ARL10: variants seen among roughly 807,000 people sequenced by gnomAD.
ARL10 encodes ADP-ribosylation factor-like protein 10.
A neutral mutation model predicts 26.1 loss-of-function variants in ARL10; 23 were observed. The ratio of observed to expected loss-of-function variants is 0.88; its 90% CI spans 0.63 to 1.25. The LOEUF is 1.25. Ranked by LOEUF, ARL10 falls within the 50% of genes most tolerant of loss-of-function variation. ARL10 has a pLI of 0.00. For synonymous variants in ARL10, 138 were observed against 149.1 expected (o/e 0.93, Z 0.54); for missense variants, 300 against 323.6 (o/e 0.93, Z 0.56).
chr5:176,388,575 G>A (rs753723748), exon 2 of ARL10: 2 of 1,566,272 alleles, frequency 1.3e-6, no homozygotes, highest in Admixed American at 1.7e-5. Flanking sequence ...CAAACACGCT[G>A]CCTCTGTCTC....
At chr5:176,408,754 C>T in the ARL10 span, among the ~76,000 whole-genome samples, 21 of 152,208 alleles carry the variant, frequency 1.4e-4, no homozygotes, top group African/African-American at 5.1e-4. Flanking sequence ...CTCCTGGATT[C>T]ACATGATCTT....
chr5:176,394,340 C>A (rs1192259828), intron 1 of ARL10, among the ~76,000 whole-genome samples: 1 of 152,202 alleles, frequency 6.6e-6, no homozygotes, highest in Non-Finnish European at 1.5e-5. Flanking sequence ...GAATCAGAAT[C>A]AGGGTTTTCA....
the ARL10 span, among the ~76,000 whole-genome samples, chr5:176,408,919 T>C: frequency 6.8e-6 from 1 of 147,234 alleles, no homozygotes; most frequent in Non-Finnish European, 1.5e-5. Flanking sequence ...CACCCCACCC[T>C]TGGGGCTAAC....
At chr5:176,397,711 T>C (rs1485044254) in intron 1 of ARL10, 3 of 1,613,688 alleles carry the variant, frequency 1.9e-6, no homozygotes, top group African/African-American at 1.3e-5. Flanking sequence ...TGACCTTAGA[T>C]GCAGCATCTA....
At chr5:176,410,398 A>G in the ARL10 span, 1 of 919,388 alleles carries the variant, frequency 1.1e-6, no homozygotes, top group African/African-American at 1.6e-5. Flanking sequence ...AACTCTGTGT[A>G]TACCCATGTA....
the ARL10 span, among the ~76,000 whole-genome samples, chr5:176,409,406 C>CTTTT: frequency 1.8e-4 from 14 of 79,646 alleles, no homozygotes; most frequent in African/African-American, 2.3e-4. Context: ...TCTGATTGCC[C>CTTTT]TTTTTTTTTT....
chr5:176,366,175 C>CG (rs1768292345), intron 1 of ARL10, among the ~76,000 whole-genome samples: 1 of 152,136 alleles, frequency 6.6e-6, no homozygotes, highest in Admixed American at 6.5e-5. Flanking sequence ...GTGGAGGAAG[C>CG]GGGGCGCGCG....
intron 2 of ARL10, among the ~76,000 whole-genome samples, chr5:176,367,287 G>A (rs1365048204): frequency 6.6e-6 from 1 of 151,902 alleles, no homozygotes; most frequent in Non-Finnish European, 1.5e-5. Context: ...GGGATTACAG[G>A]CGTAAGCCAT....
In ARL10 at chr5:176,372,956, A is replaced by C; in HGVS notation, c.*1061A>C. On this transcript the variant is annotated 3_prime_UTR_variant, in exon 4 of 4. Transcript: ENST00000310389. ...AACATACAGATGTCAGTGGAGACAA[A>C]GTTGTGGGTTCCTCCTCCCACCTGG... 2 of 398,592 alleles carry C rather than the reference A, an allele frequency of 5.0e-6. No individual in the cohort carries two copies. The highest frequency in any genetic ancestry group is 8.8e-6 in the Non-Finnish European group (2 of 226,058). The allele number at this position is 398,592 out of a possible 1,614,324, so 24.7% of individuals were successfully genotyped here. A position where few individuals can be genotyped will look rare whatever the true frequency, so the allele number is the denominator to read the frequency against.
chr5:176,406,430 G>C (rs1757124388), downstream of ARL10: 1 of 1,164,566 alleles, frequency 8.6e-7, no homozygotes, highest in Admixed American at 3.9e-5. Context: ...CGACTCCAGG[G>C]ATGGCCAAGA....
chr5:176,386,807 A>C (rs752475384), downstream of ARL10: 67 of 1,588,592 alleles, frequency 4.2e-5, no homozygotes, highest in Middle Eastern at 1.7e-4. Context: ...AGTGCAGGAC[A>C]GTGACCTAAA....
intron 1 of ARL10, chr5:176,396,416 A>C (rs770692413): frequency 7.1e-5 from 100 of 1,400,888 alleles, no homozygotes; most frequent in Non-Finnish European, 9.9e-5. Flanking sequence ...CAGGAAACTC[A>C]AGAAACTGTG....
Position 176,380,148 on chromosome 5 carries a change from G to A in ARL10, c.*8253G>A, listed in dbSNP as rs939733095. ...GGAGAAAAGGTAACTGAGCAAAAGG[G>A]TTACTGTACTCAAAGCATCGAGGCA... On this transcript the variant is annotated 3_prime_UTR_variant, in exon 4 of 4. Transcript: ENST00000310389. The A allele has an allele frequency of 1.3e-5, 2 of 152,132 alleles. No individual in the cohort carries two copies. Among genetic ancestry groups the A allele is most frequent in the Non-Finnish European group, 2.9e-5 (2 of 68,044 alleles). 9.4% of individuals were successfully genotyped at this position (152,132 alleles called of 1,614,324 possible).
the ARL10 span, among the ~76,000 whole-genome samples, chr5:176,413,020 C>G: frequency 6.6e-6 from 1 of 152,272 alleles, no homozygotes; most frequent in East Asian, 1.9e-4. Flanking sequence ...TGGGGTCTAC[C>G]CTGACCTTCA....
In ARL10 at chr5:176,379,714, T is replaced by C. The variant is rs569420833; in HGVS notation, c.*7819T>C. 6.6e-6 allele frequency: 1 copy of C among 152,222 alleles called. No individual in the cohort carries two copies. Among genetic ancestry groups the C allele is most frequent in the Non-Finnish European group, 1.5e-5 (1 of 68,040 alleles). The allele number at this position is 152,222 out of a possible 1,614,324, so 9.4% of individuals were successfully genotyped here. A position where few individuals can be genotyped will look rare whatever the true frequency, so the allele number is the denominator to read the frequency against. The stretch of plus-strand genomic sequence containing the variant: ...GTTCATCTTTCTTTTGCCCACAAGA[T>C]TATGTGATTGACCAATCAATTTTTT... On this transcript the variant is annotated 3_prime_UTR_variant, in exon 4 of 4. Transcript: ENST00000310389.
chr5:176,405,058 C>T (rs1201034321), downstream of ARL10, among the ~76,000 whole-genome samples: 1 of 152,216 alleles, frequency 6.6e-6, no homozygotes, highest in African/African-American at 2.4e-5. Context: ...TCAGGGAGAT[C>T]AAGCACGTAA....
At position 176,375,094 on chromosome 5, in the gene ARL10, A is replaced by C. The variant is rs1475335893; in HGVS notation, c.*3199A>C. The C allele has an allele frequency of 6.7e-6, 1 of 149,114 alleles. No individual in the cohort carries two copies. The highest frequency in any genetic ancestry group is 2.0e-4 in the East Asian group (1 of 5,038). 9.2% of individuals were successfully genotyped at this position (149,114 alleles called of 1,614,324 possible). A position where few individuals can be genotyped will look rare whatever the true frequency, so the allele number is the denominator to read the frequency against. On this transcript the variant is annotated 3_prime_UTR_variant, in exon 4 of 4. Transcript: ENST00000310389. ...GGTGGCCTCATCCATCCATCCATCC[A>C]TCCATCCATCCATCCCTCCATCCGT... is the stretch of plus-strand genomic sequence containing the variant.
downstream of ARL10, chr5:176,386,828 G>T: frequency 1.2e-6 from 2 of 1,611,908 alleles, no homozygotes; most frequent in Non-Finnish European, 1.7e-6. Context: ...GGAATATATG[G>T]ACCACACCCA....
chr5:176,414,813 T>A, the ARL10 span, among the ~76,000 whole-genome samples: 1 of 152,262 alleles, frequency 6.6e-6, no homozygotes, highest in South Asian at 2.1e-4. Context: ...ATTTCTCATA[T>A]CAAGGAGATA....
Sources: allele counts gnomAD v4.1 joint callset (sites outside exome capture counted in the v4.1 genomes callset), GRCh38; gene constraint gnomAD v4.1.1; transcripts MANE v1.5; gene names NCBI Gene and HGNC (gene_info 2026-07-23, HGNC 2026-07-21).